PPP1CC: variants seen among roughly 807,000 people sequenced by gnomAD.
PPP1CC encodes the protein protein phosphatase 1 catalytic subunit gamma.
PPP1CC carries 16 observed loss-of-function variants against 38.4 expected under a neutral mutation model. The ratio of observed to expected loss-of-function variants is 0.42; its 90% confidence interval spans 0.28 to 0.63. The LOEUF is 0.63. Ranked by LOEUF, PPP1CC falls within the 30% of genes least tolerant of loss-of-function variation. PPP1CC has a pLI of 0.25. For synonymous variants in PPP1CC, 158 were observed against 136.0 expected, an observed-to-expected ratio of 1.16 and a Z score of -1.13; for missense variants, 170 against 391.3, an observed-to-expected ratio of 0.43 and a Z score of 4.77.
Position 110,722,240 on chromosome 12 carries a change from T to C in PPP1CC, c.777A>G (p.Ala259=), listed in dbSNP as rs757850880. ...QVVEDGYEFF[A]KRQLVTLFSA... Reference sequence around the variant, plus strand: ...AAAACAGAGTGACCAACTGCCTCTTTGCAAAAAATTCATATCCATCTTCAA... The same window carrying C: ...AAAACAGAGTGACCAACTGCCTCTTCGCAAAAAATTCATATCCATCTTCAA... The change falls in exon 6 of 7, where the codon GCA becomes GCG. Residue 259 remains alanine (A), a synonymous_variant. Transcript: ENST00000335007. The surrounding 1 kb of genome is among the most constrained non-coding windows in gnomAD (Gnocchi z 5.4). 8.1e-6 allele frequency: 13 copies of C among 1,613,886 alleles called. No homozygotes were observed. The Admixed American group carries it at 1.0e-4, about 12-fold the overall frequency.
Position 110,722,684 on chromosome 12 carries a change from C to A in PPP1CC, c.535G>T (p.Asp179Tyr). Residue 179 changes from aspartate (D) to tyrosine (Y), a missense_variant, in exon 5 of 7, where the codon GAT (aspartate) becomes TAT (tyrosine). Coordinates refer to ENST00000335007, the MANE Select transcript of PPP1CC (RefSeq NM_002710.4). This position sits in a 1 kb window ranked among gnomAD's most constrained non-coding sequence, Gnocchi z 5.4. ...CGAATCTGCTCCATAGATTGAAGAT[C>A]TGGTGATAAACCTATTCAATGAGGA... ...IFCCHGGLSP[D>Y]LQSMEQIRRI... The A allele has an allele frequency of 6.2e-7, 1 of 1,610,692 alleles. No individual in the cohort carries two copies. The highest frequency in any genetic ancestry group is 8.5e-7 in the Non-Finnish European group (1 of 1,178,444).
chr12:110,720,345 C>G lies in PPP1CC; in HGVS notation c.*731G>C. The G allele has an allele frequency of 2.9e-6, 2 of 686,716 alleles. No homozygotes were observed. Among genetic ancestry groups the G allele is most frequent in the Admixed American group, 2.5e-5 (1 of 39,918 alleles). The allele number at this position is 686,716 out of a possible 1,614,324, so 42.5% of individuals were successfully genotyped here. On this transcript the variant is annotated 3_prime_UTR_variant, in exon 7 of 7. Transcript: ENST00000335007. ...ACCTGTTTTTGAATCCCCAAGAAGG[C>G]AGCATGTGTATACAACCATACCACC...
intron 2 of PPP1CC, among the ~76,000 whole-genome samples, 164 bp downstream of exon 2, chr12:110,731,606 T>C (rs1182734707): frequency 6.6e-6 from 1 of 152,174 alleles, no homozygotes; most frequent in Non-Finnish European, 1.5e-5. Flanking sequence ...CTAAGTCCAT[T>C]AGAGGTATTT....
At chr12:110,735,328 C>T (rs1354554005) in intron 1 of PPP1CC, among the ~76,000 whole-genome samples, 2 of 152,138 alleles carry the variant, frequency 1.3e-5, no homozygotes, top group Non-Finnish European at 2.9e-5. Context: ...TATTGCCATT[C>T]AATCCTGTCA....
At chr12:110,714,883 G>T (rs1215797617), downstream of PPP1CC, among the ~76,000 whole-genome samples, 2 of 150,520 alleles carry the variant, frequency 1.3e-5, no homozygotes, top group Non-Finnish European at 2.9e-5. Flanking sequence ...TATGGAACAG[G>T]ACTCCTTGAG....
At position 110,742,644 on chromosome 12, in the gene PPP1CC, C is replaced by A; in HGVS notation, c.55+9G>T. On this transcript the variant is annotated intron_variant, in intron 1 of 6. Coordinates refer to ENST00000335007, the MANE Select transcript of PPP1CC (RefSeq NM_002710.4). ...GCCTCCCCCTTCAGCCGCCCGCCGC[C>A]CCCCTTACCTTCCAGCAGCCGTTGG... 6.8e-7 allele frequency: 1 copy of A among 1,472,844 alleles called. No individual in the cohort carries two copies. Among genetic ancestry groups the A allele is most frequent in the Non-Finnish European group, 9.0e-7 (1 of 1,106,632 alleles). 91.2% of individuals were successfully genotyped at this position (1,472,844 alleles called of 1,614,324 possible). A position where few individuals can be genotyped will look rare whatever the true frequency, so the allele number is the denominator to read the frequency against.
intron 1 of PPP1CC, among the ~76,000 whole-genome samples, chr12:110,734,130 C>A (rs1163868894): frequency 6.6e-6 from 1 of 152,076 alleles, no homozygotes. Flanking sequence ...CTCAACCATG[C>A]TTGTATTTGT....
Position 110,721,024 on chromosome 12 carries a change from A to G in PPP1CC, c.*52T>C, listed in dbSNP as rs2069732741. 2 of 1,500,636 alleles carry G rather than the reference A, an allele frequency of 1.3e-6. No homozygotes were observed. Among genetic ancestry groups the G allele is most frequent in the Non-Finnish European group, 1.9e-6 (2 of 1,079,096 alleles). The allele number at this position is 1,500,636 out of a possible 1,614,324, so 93.0% of individuals were successfully genotyped here. A position where few individuals can be genotyped will look rare whatever the true frequency, so the allele number is the denominator to read the frequency against. On this transcript the variant is annotated 3_prime_UTR_variant, in exon 7 of 7. Coordinates refer to ENST00000335007, the MANE Select transcript of PPP1CC (RefSeq NM_002710.4). ...GTACACATTACAGTCTTAAAAATGA[A>G]GGTTATATACTCTATGTTACAAGTC...
At chr12:110,710,726 A>G in the PPP1CC span, among the ~76,000 whole-genome samples, 1 of 146,764 alleles carries the variant, frequency 6.8e-6, no homozygotes, top group East Asian at 2.0e-4. Context: ...TCAAAAAAAA[A>G]AAAAAAAAAA....
chr12:110,724,272 C>T (rs2069770679), intron 4 of PPP1CC, among the ~76,000 whole-genome samples: 1 of 151,742 alleles, frequency 6.6e-6, no homozygotes, highest in African/African-American at 2.4e-5. Context: ...AAACCAAAAA[C>T]TTTTCTAAGC....
chr12:110,727,358 C>T (rs900805563), intron 3 of PPP1CC, among the ~76,000 whole-genome samples: 6 of 152,162 alleles, frequency 3.9e-5, no homozygotes, highest in African/African-American at 1.2e-4. Flanking sequence ...GCACTTTAAG[C>T]GTGGGCCTGC....
chr12:110,719,295 G>A (rs1164813454), downstream of PPP1CC, among the ~76,000 whole-genome samples: 1 of 152,156 alleles, frequency 6.6e-6, no homozygotes, highest in Non-Finnish European at 1.5e-5. Context: ...CAGGACCGGG[G>A]CTTGTTAGCA....
chr12:110,732,227 C>T (rs914371422), intron 1 of PPP1CC: 12 of 412,316 alleles, frequency 2.9e-5, no homozygotes, highest in South Asian at 1.5e-4. Context: ...GAGGGTGAGG[C>T]GGGCAGATCA....
intron 6 of PPP1CC, 116 bp from the exon 7 acceptor site, chr12:110,721,281 G>A: frequency 1.3e-6 from 1 of 754,934 alleles, no homozygotes; most frequent in Non-Finnish European, 2.2e-6. Flanking sequence ...CCCAACAACT[G>A]TAAAAGCCCC....
the PPP1CC span, among the ~76,000 whole-genome samples, chr12:110,712,667 G>A: frequency 0.31 from 22,634 of 72,710 alleles, 4,834 homozygotes; most frequent in Non-Finnish European, 0.38. Context: ...AAAAAAAAAA[G>A]GGGGGGCACT....
intron 3 of PPP1CC, chr12:110,726,293 C>T (rs1261054933): frequency 1.3e-5 from 2 of 152,294 alleles, no homozygotes; most frequent in African/African-American, 4.8e-5. Context: ...TGTTTGCCTT[C>T]TCTCTGCAGA....
the PPP1CC span, among the ~76,000 whole-genome samples, chr12:110,710,282 C>G: frequency 5.3e-5 from 8 of 152,262 alleles, no homozygotes; most frequent in South Asian, 2.1e-4. Flanking sequence ...GTGGCTCAGG[C>G]CTGTAATCCC....
chr12:110,726,065 A>AAAACAAAACAAAAC (rs2069795293), intron 3 of PPP1CC: 1 of 152,706 alleles, frequency 6.5e-6, no homozygotes, highest in Admixed American at 6.5e-5. Flanking sequence ...TCCGTCTCAA[A>AAAACAAAACAAAAC]AAACAAAACA....
chr12:110,737,284 C>T, intron 1 of PPP1CC, among the ~76,000 whole-genome samples: 1 of 151,630 alleles, frequency 6.6e-6, no homozygotes. Context: ...TTGAGACCAG[C>T]CTGGCCAACA....
Sources: gnomAD v4.1 joint callset for allele counts (sites outside exome capture counted in the v4.1 genomes callset) on GRCh38, gnomAD v4.1.1 for gene constraint, Gnocchi (gnomAD v3.1) non-coding constraint, MANE v1.5 for transcripts, NCBI Gene and HGNC (gene_info 2026-07-23, HGNC 2026-07-21) for gene names.